The following TNFSF10 variants were observed in gnomAD, a reference collection of about 807,000 sequenced individuals.
TNFSF10 encodes the protein TNF superfamily member 10, also known as tumor necrosis factor ligand superfamily member 10.
TNFSF10 carries 13 observed loss-of-function variants against 29.5 expected under a neutral mutation model. The observed-to-expected ratio is 0.44, with a 90% CI of 0.29 to 0.70. The LOEUF is 0.70. Ranked by LOEUF, TNFSF10 falls within the 30% of genes least tolerant of loss-of-function variation. TNFSF10 has a pLI of 0.13. For missense variants in TNFSF10, 345 were observed against 330.9 expected (o/e 1.04, Z -0.33); for synonymous variants, 111 against 112.8 (o/e 0.98, Z 0.10).
intron 4 of TNFSF10, chr3:172,507,556 T>C (rs1271577974): frequency 2.0e-5 from 3 of 152,222 alleles, no homozygotes; most frequent in Non-Finnish European, 4.4e-5. Context: ...AAAATGAACC[T>C]TCCAAAATGA....
At chr3:172,519,744 A>C (rs1407402108) in intron 1 of TNFSF10, among the ~76,000 whole-genome samples, 3 of 152,236 alleles carry the variant, frequency 2.0e-5, no homozygotes, top group Non-Finnish European at 4.4e-5. Context: ...TGATTGGGAT[A>C]ACCAAACTTA....
Position 172,506,768 on chromosome 3 carries a change from A to C in TNFSF10, c.570T>G (p.Phe190Leu). 1 of 1,614,146 alleles carries C rather than the reference A, an allele frequency of 6.2e-7. No individual in the cohort carries two copies. The highest frequency in any genetic ancestry group is 8.5e-7 in the Non-Finnish European group (1 of 1,180,036). The change falls in exon 5 of 5, where the codon TTT becomes TTG. Residue 190 changes from phenylalanine to leucine, a missense_variant. Coordinates refer to ENST00000241261, the MANE Select transcript of TNFSF10 (RefSeq NM_003810.4). ...TTTCTTTTATTTCCTCCTGAAATCG[A>C]AAGTATGTTTGGGAATAGATGTAGT... The part of the protein sequence containing the change: ...GFYYIYSQTY[F>L]RFQEEIKENT...
At chr3:172,508,561 AAGAAG>A (rs2108444381) in intron 4 of TNFSF10, among the ~76,000 whole-genome samples, 1 of 152,244 alleles carries the variant, frequency 6.6e-6, no homozygotes, top group East Asian at 1.9e-4. Context: ...ATGGCGAGCA[AAGAAG>A]AGAAGTGCAG....
chr3:172,523,364 CT>C lies in TNFSF10; in HGVS notation c.20del (p.Gln7ArgfsTer12), dbSNP rs777394962. The C allele has an allele frequency of 1.2e-5, 20 of 1,613,946 alleles. No homozygotes were observed. Among genetic ancestry groups the C allele is most frequent in the East Asian group, 2.2e-5 (1 of 44,872 alleles). ...AGGTCTGTCCCAGGCTGGGTCCCCC[CT>C]GGACCTCCATCATAGCCATGATCCT... is the stretch of plus-strand genomic sequence containing the variant. MAMMEVQGGPSLGQTCV... is the reference protein window; with the variant it reads MAMMEVXGGPSLGQTCV... On this transcript the variant is annotated frameshift_variant, in exon 1 of 5. Transcript: ENST00000241261. LOFTEE classifies it high-confidence loss of function.
rs78097305 is a variant in TNFSF10, at chr3:172,513,323, C to G, written c.270+1538G>C. 1.4e-4 allele frequency among the ~76,000 whole-genome samples: 22 copies of G among 152,292 alleles called. No individual in the cohort carries two copies. In the East Asian group the frequency reaches 4.2e-3, roughly 29 times the overall value. On this transcript the variant is annotated intron_variant, in intron 2 of 4. Transcript: ENST00000241261. ...CCTCCCCAAGCCCCTATCCCGGGAACTTGGGAGTTTCATTTCTCAGCTTCC... is the reference window on the plus strand; with the variant it reads ...CCTCCCCAAGCCCCTATCCCGGGAAGTTGGGAGTTTCATTTCTCAGCTTCC...
chr3:172,518,229 G>A lies in TNFSF10; in HGVS notation c.133-3231C>T, dbSNP rs954280388. The A allele has an allele frequency of 8.9e-6, 10 of 1,122,414 alleles. No individual in the cohort carries two copies. The African/African-American group carries it at 1.5e-4, about 17-fold the overall frequency. 69.5% of individuals were successfully genotyped at this position (1,122,414 alleles called of 1,614,324 possible). A position where few individuals can be genotyped will look rare whatever the true frequency, so the allele number is the denominator to read the frequency against. On this transcript the variant is annotated intron_variant, in intron 1 of 4. Transcript: ENST00000241261. ...TCATTTGCGTGCCTCTGAAAAGAAA[G>A]CTCTTGCACTGGGTGCCTGTTCTTC...
Position 172,506,870 on chromosome 3 carries a change from T to C in TNFSF10, c.468A>G (p.Ser156=). 1 of 1,614,086 alleles carries C rather than the reference T, an allele frequency of 6.2e-7. No homozygotes were observed. Among genetic ancestry groups the C allele is most frequent in the Middle Eastern group, 1.6e-4 (1 of 6,062 alleles). The part of the protein sequence containing the change: ...ALGRKINSWE[S]SRSGHSFLSN... ...TCAGGAATGAATGCCCACTCCTTGA[T>C]GATTCCCAGGAGTTTATTTTGCGGC... Residue 156 remains serine (S), a synonymous_variant, in exon 5 of 5, where the codon TCA becomes TCG. Coordinates refer to ENST00000241261, the MANE Select transcript of TNFSF10 (RefSeq NM_003810.4).
rs1210164777 is a variant in TNFSF10, at chr3:172,506,916, G to A, written c.422C>T (p.Ser141Phe). The change falls in exon 5 of 5, where the codon TCC becomes TTC. Residue 141 changes from serine (S) to phenylalanine (F), a missense_variant. By Grantham distance (155) the Ser-to-Phe change is radical. Transcript: ENST00000241261. ...GRSNTLSSPN[S>F]KNEKALGRKI... is the part of the protein sequence containing the mutation. ...GCGGCCCAGAGCCTTTTCATTCTTGGAGTCTGTAGGAAATTTAGAGAGAAA... is the reference window on the plus strand; with the variant it reads ...GCGGCCCAGAGCCTTTTCATTCTTGAAGTCTGTAGGAAATTTAGAGAGAAA... 1.3e-6 allele frequency: 2 copies of A among 1,585,728 alleles called. No individual in the cohort carries two copies. Among genetic ancestry groups the A allele is most frequent in the Admixed American group, 1.9e-5 (1 of 52,834 alleles).
chr3:172,506,821 C>T lies in TNFSF10; in HGVS notation c.517G>A (p.Glu173Lys). 1 of 1,614,144 alleles carries T rather than the reference C, an allele frequency of 6.2e-7. No individual in the cohort carries two copies. Among genetic ancestry groups the T allele is most frequent in the Middle Eastern group, 1.6e-4 (1 of 6,062 alleles). Residue 173 changes from glutamate to lysine, a missense_variant, in exon 5 of 5, where the codon GAA becomes AAA. By Grantham distance (56) the Glu-to-Lys change is moderately conservative (BLOSUM62 1). Transcript: ENST00000241261. ...FLSNLHLRNGELVIHEKGFYY... is the reference protein window; with the variant it reads ...FLSNLHLRNGKLVIHEKGFYY... ...AACCCTTTTTCATGGATGACCAGTT[C>T]ACCATTCCTCAAGTGCAAGTTGCTC...
chr3:172,513,301 C>T (rs1188186244), intron 2 of TNFSF10, among the ~76,000 whole-genome samples: 1 of 152,220 alleles, frequency 6.6e-6, no homozygotes, highest in East Asian at 1.9e-4. Context: ...CCTCCACCCT[C>T]CCCAAGCCCC....
chr3:172,513,000 A>G (rs537244737), intron 2 of TNFSF10, among the ~76,000 whole-genome samples: 1 of 152,356 alleles, frequency 6.6e-6, no homozygotes, highest in East Asian at 1.9e-4. Context: ...TGAAATGGGC[A>G]TAGGATATTT....
At chr3:172,508,884 T>C (rs1420138221) in intron 4 of TNFSF10, among the ~76,000 whole-genome samples, 1 of 75,008 alleles carries the variant, frequency 1.3e-5, no homozygotes, top group Non-Finnish European at 2.8e-5. Flanking sequence ...CGTGAAACTC[T>C]GTCTAAAAAA....
At chr3:172,517,302 C>A in intron 1 of TNFSF10, 1 of 983,214 alleles carries the variant, frequency 1.0e-6, no homozygotes, top group Non-Finnish European at 1.2e-6. Context: ...CTGGCTAGAG[C>A]CTGTGATCCC....
intron 4 of TNFSF10, 100 bp downstream of exon 4, chr3:172,509,117 G>A: frequency 1.1e-6 from 1 of 905,160 alleles, no homozygotes; most frequent in East Asian, 2.6e-5. Context: ...TTTGTAGATA[G>A]CCATATAAAC....
rs770433365 is a variant in TNFSF10, at chr3:172,509,201, T to A, written c.418+16A>T. On this transcript the variant is annotated intron_variant, in intron 4 of 4. Coordinates refer to ENST00000241261, the MANE Select transcript of TNFSF10 (RefSeq NM_003810.4). ...CATTATTTTCCCTTAAGTCACTTAT[T>A]TGTTGTTTCTCTTACTTGGAGAAGA... 7.1e-5 allele frequency: 113 copies of A among 1,599,392 alleles called. No homozygotes were observed. Among genetic ancestry groups the A allele is most frequent in the Non-Finnish European group, 9.3e-5 (109 of 1,170,266 alleles).
At position 172,506,535 on chromosome 3, in the gene TNFSF10, A is replaced by G; in HGVS notation, c.803T>C (p.Met268Thr). ...VSVTNEHLID[M>T]DHEASFFGAF... ...CCCAAAAAAACTGGCTTCATGGTCC[A>G]TGTCTATCAAGTGCTCATTTGTTAC... The change falls in exon 5 of 5, where the codon ATG (methionine) becomes ACG (threonine). Residue 268 changes from methionine (M) to threonine (T), a missense_variant. Met to Thr is a moderately conservative substitution (Grantham distance 81). Transcript: ENST00000241261. 3 of 1,613,702 alleles carry G rather than the reference A, an allele frequency of 1.9e-6. No individual in the cohort carries two copies. The highest frequency in any genetic ancestry group is 8.5e-7 in the Non-Finnish European group (1 of 1,179,896).
Position 172,506,552 on chromosome 3 carries a change from A to T in TNFSF10, c.786T>A (p.Asn262Lys). ...ENDRIFVSVT[N>K]EHLIDMDHEA... is the part of the protein sequence containing the mutation. The stretch of plus-strand genomic sequence containing the variant: ...CATGGTCCATGTCTATCAAGTGCTC[A>T]TTTGTTACAGAAACAAAAATTCTGT... Residue 262 changes from asparagine to lysine, a missense_variant, in exon 5 of 5, where the codon AAT becomes AAA. Physicochemically the swap from Asn to Lys is moderately conservative, Grantham distance 94. Transcript: ENST00000241261. 6.2e-7 allele frequency: 1 copy of T among 1,614,114 alleles called. No homozygotes were observed. Among genetic ancestry groups the T allele is most frequent in the Non-Finnish European group, 8.5e-7 (1 of 1,179,996 alleles).
At chr3:172,522,706 C>T (rs1379806308) in intron 1 of TNFSF10, among the ~76,000 whole-genome samples, 1 of 152,072 alleles carries the variant, frequency 6.6e-6, no homozygotes, top group Non-Finnish European at 1.5e-5. Context: ...TTCTCATGTC[C>T]CCATAAGCAG....
At chr3:172,521,979 G>T (rs1713716419) in intron 1 of TNFSF10, among the ~76,000 whole-genome samples, 1 of 152,258 alleles carries the variant, frequency 6.6e-6, no homozygotes, top group East Asian at 1.9e-4. Flanking sequence ...TCACTCATAA[G>T]TGGGAGTTGA....
Sources: gnomAD v4.1 joint callset for allele counts (sites outside exome capture counted in the v4.1 genomes callset) on GRCh38, gnomAD v4.1.1 for gene constraint, MANE v1.5 for transcripts, NCBI Gene and HGNC (gene_info 2026-07-23, HGNC 2026-07-21) for gene names.